GEN1: variants seen among roughly 807,000 people sequenced by gnomAD.
GEN1 encodes GEN1 structure-specific endonuclease, also known as flap endonuclease GEN homolog 1.
In GEN1, 64 loss-of-function variants were observed where a neutral mutation model predicts 67.6. The observed-to-expected ratio is 0.95, with a 90% CI of 0.77 to 1.17. The LOEUF is 1.17. Among genes scored for constraint, GEN1 ranks in the 50% most tolerant of loss-of-function variants. The pLI, the probability that GEN1 is intolerant of heterozygous loss-of-function variation, is 0.00. For missense variants in GEN1, 1,058 were observed against 1,048.3 expected, an observed-to-expected ratio of 1.01 and a Z score of -0.13; for synonymous variants, 371 against 359.4, an observed-to-expected ratio of 1.03 and a Z score of -0.37.
Position 17,761,575 on chromosome 2 carries a change from T to G in GEN1, c.341T>G (p.Leu114Ter). ...GGGAGATCACATTTTAAATCAGTCT[T>G]AAGAGAGGTGAGCATTCAGATTTGA... is the stretch of plus-strand genomic sequence containing the variant. ...KTGRSHFKSV[L>*]RECLHMLECL... The change falls in exon 3 of 14, where the codon TTA becomes TGA. Residue 114 changes from leucine (L) to a stop codon, truncating the protein, a stop_gained. Transcript: ENST00000381254. LOFTEE classifies it high-confidence loss of function. 6.3e-7 allele frequency: 1 copy of G among 1,597,318 alleles called. No homozygotes were observed. The highest frequency in any genetic ancestry group is 8.5e-7 in the Non-Finnish European group (1 of 1,173,680).
At chr2:17,769,753 A>G (rs1672100354) in intron 6 of GEN1, among the ~76,000 whole-genome samples, 2 of 152,202 alleles carry the variant, frequency 1.3e-5, no homozygotes, top group Non-Finnish European at 1.5e-5. Flanking sequence ...GCTATTTACT[A>G]TCTCAAAAAC....
chr2:17,762,431 TCTC>T (rs1360240849), intron 3 of GEN1, among the ~76,000 whole-genome samples: 1 of 151,982 alleles, frequency 6.6e-6, no homozygotes, highest in African/African-American at 2.4e-5. Context: ...ATGGTCTCGA[TCTC>T]CTGACTTCGT....
At chr2:17,762,862 C>T (rs1391909481) in intron 3 of GEN1, among the ~76,000 whole-genome samples, 2 of 152,152 alleles carry the variant, frequency 1.3e-5, no homozygotes, top group African/African-American at 4.8e-5. Flanking sequence ...TTAATTTCTG[C>T]TAATGCAGAT....
intron 12 of GEN1, 91 bp downstream of exon 12, chr2:17,778,154 A>ATG (rs1672534871): frequency 8.5e-6 from 1 of 117,196 alleles, no homozygotes. Flanking sequence ...ATATATATAT[A>ATG]CACACACACA....
chr2:17,766,540 T>C (rs779487020), intron 4 of GEN1, 39 bp from the exon 5 acceptor site: 30 of 1,036,874 alleles, frequency 2.9e-5, no homozygotes, highest in Non-Finnish European at 4.2e-5. Context: ...TATAAATATG[T>C]ACTTTTTGAG....
intron 3 of GEN1, among the ~76,000 whole-genome samples, chr2:17,764,075 G>C (rs1671808588): frequency 6.6e-6 from 1 of 152,190 alleles, no homozygotes; most frequent in African/African-American, 2.4e-5. Flanking sequence ...CAGACTACAA[G>C]CTACCCAGCG....
At chr2:17,755,168 A>C (rs1671357864) in intron 1 of GEN1, 1 of 152,240 alleles carries the variant, frequency 6.6e-6, no homozygotes, top group Non-Finnish European at 1.5e-5. Flanking sequence ...GAAAAATATG[A>C]CATAGTCAAA....
At chr2:17,762,872 T>C (rs1671751922) in intron 3 of GEN1, among the ~76,000 whole-genome samples, 1 of 152,218 alleles carries the variant, frequency 6.6e-6, no homozygotes, top group Non-Finnish European at 1.5e-5. Context: ...CTAATGCAGA[T>C]GTCAGAGAAG....
intron 11 of GEN1, among the ~76,000 whole-genome samples, chr2:17,775,613 C>T (rs1672389247): frequency 6.6e-6 from 1 of 152,084 alleles, no homozygotes. Context: ...GATGTTAAAA[C>T]CATTAGATGA....
intron 12 of GEN1, 52 bp from the exon 13 acceptor site, chr2:17,779,926 A>AT: frequency 6.7e-7 from 1 of 1,493,324 alleles, no homozygotes. Flanking sequence ...GACCGATTGA[A>AT]TTTTTTTAAA....
chr2:17,761,541 C>T lies in GEN1; in HGVS notation c.307C>T (p.Gln103Ter), dbSNP rs1163947636. 1 of 1,612,052 alleles carries T rather than the reference C, an allele frequency of 6.2e-7. No homozygotes were observed. Among genetic ancestry groups the T allele is most frequent in the East Asian group, 2.2e-5 (1 of 44,830 alleles). The change falls in exon 3 of 14, where the codon CAG becomes TAG. Residue 103 changes from glutamine to a stop codon, truncating the protein, a stop_gained. Transcript: ENST00000381254. LOFTEE classifies it high-confidence loss of function. The part of the protein sequence containing the change: ...RYGSSGKSWS[Q>*]KTGRSHFKSV... ...TGGGTCTTCTGGAAAATCGTGGTCT[C>T]AGAAAACAGGGAGATCACATTTTAA...
chr2:17,783,733 C>T lies in GEN1; in HGVS notation c.*1794C>T, dbSNP rs529904488. The T allele has an allele frequency of 6.6e-6, 1 of 152,280 alleles. No individual in the cohort carries two copies. Among genetic ancestry groups the T allele is most frequent in the East Asian group, 1.9e-4 (1 of 5,188 alleles). 9.4% of individuals were successfully genotyped at this position (152,280 alleles called of 1,614,324 possible). A position where few individuals can be genotyped will look rare whatever the true frequency, so the allele number is the denominator to read the frequency against. On this transcript the variant is annotated 3_prime_UTR_variant, in exon 14 of 14. Coordinates refer to ENST00000381254, the MANE Select transcript of GEN1 (RefSeq NM_001130009.3). ...TTGATTTTAAACCAGAGTGCCAAGACAATTCAATGGGAAAAGGAAACAGTC... is the reference window on the plus strand; with the variant it reads ...TTGATTTTAAACCAGAGTGCCAAGATAATTCAATGGGAAAAGGAAACAGTC...
intron 7 of GEN1, among the ~76,000 whole-genome samples, chr2:17,772,304 T>C (rs1484064536): frequency 1.3e-5 from 2 of 152,082 alleles, no homozygotes; most frequent in Admixed American, 6.6e-5. Context: ...CTACTTTTTA[T>C]GCATGTAGCT....
At chr2:17,780,187 T>C in intron 13 of GEN1, 66 bp downstream of exon 13, 1 of 1,258,756 alleles carries the variant, frequency 7.9e-7, no homozygotes, top group Non-Finnish European at 1.1e-6. Flanking sequence ...ACCTCTTCTG[T>C]TTGAATCTGC....
At chr2:17,760,238 G>T in intron 2 of GEN1, 134 bp downstream of exon 2, 1 of 805,262 alleles carries the variant, frequency 1.2e-6, no homozygotes. Flanking sequence ...TATTTAACAT[G>T]TCTAGATTCA....
intron 1 of GEN1, among the ~76,000 whole-genome samples, chr2:17,757,020 T>C (rs144449920): frequency 4.0e-4 from 61 of 152,342 alleles, no homozygotes; most frequent in African/African-American, 1.4e-3. Context: ...TCTTAAAATA[T>C]TATGATGTTC....
In GEN1 at chr2:17,771,098, G is replaced by A. The variant is rs191898243; in HGVS notation, c.711-98G>A. On this transcript the variant is annotated intron_variant, in intron 6 of 13. Transcript: ENST00000381254. ...TCAGCCACCAAAGGGAAAATAATTAGGTAGGTGAAAGGGAATAGATCAGCC... is the reference window on the plus strand; with the variant it reads ...TCAGCCACCAAAGGGAAAATAATTAAGTAGGTGAAAGGGAATAGATCAGCC... The A allele has an allele frequency of 6.6e-4, 502 of 755,108 alleles. No individual in the cohort carries two copies. In the African/African-American group the frequency reaches 7.5e-3, roughly 11 times the overall value. The allele number at this position is 755,108 out of a possible 1,614,324, so 46.8% of individuals were successfully genotyped here.
chr2:17,788,492 AT>A lies in GEN1; in HGVS notation c.*6557del, dbSNP rs1378062389. ...TGACCCTTCTGTGGGCAGAATGAAT[AT>A]TTTGCTAATGTTTAGAAGAATTCCT... On this transcript the variant is annotated 3_prime_UTR_variant, in exon 14 of 14. Transcript: ENST00000381254. 3.3e-5 allele frequency: 5 copies of A among 152,248 alleles called. No homozygotes were observed. Among genetic ancestry groups the A allele is most frequent in the Admixed American group, 6.5e-5 (1 of 15,288 alleles). The allele number at this position is 152,248 out of a possible 1,614,324, so 9.4% of individuals were successfully genotyped here.
At chr2:17,760,240 C>A (rs2125119851) in intron 2 of GEN1, 136 bp downstream of exon 2, 2 of 778,484 alleles carry the variant, frequency 2.6e-6, no homozygotes, top group Non-Finnish European at 2.0e-6. Flanking sequence ...TTTAACATGT[C>A]TAGATTCACC....
Sources: gnomAD v4.1 joint callset for allele counts (sites outside exome capture counted in the v4.1 genomes callset) on GRCh38, gnomAD v4.1.1 for gene constraint, MANE v1.5 for transcripts, NCBI Gene and HGNC (gene_info 2026-07-23, HGNC 2026-07-21) for gene names.